The following GREB1L variants were observed in gnomAD, a reference collection of about 807,000 sequenced individuals.
GREB1L encodes the protein GREB1-like protein.
Under a neutral mutation model 200.8 loss-of-function variants are expected in GREB1L, and 17 were observed. That is an observed-to-expected ratio of 0.08 (90% confidence interval 0.06 to 0.13). The LOEUF (loss-of-function observed/expected upper bound fraction) is 0.13. Among genes scored for constraint, GREB1L ranks in the 10% least tolerant of loss-of-function variants. GREB1L has a pLI of 1.00. For missense variants in GREB1L, 1,657 were observed against 2,367.7 expected (o/e 0.70, Z 6.23); for synonymous variants, 789 against 893.0 (o/e 0.88, Z 2.08).
At chr18:21,319,015 C>T (rs925880868) in intron 1 of GREB1L, among the ~76,000 whole-genome samples, 2 of 152,256 alleles carry the variant, frequency 1.3e-5, no homozygotes, top group African/African-American at 4.8e-5. Context: ...TCTGTGAATG[C>T]GCAGCCAGTA....
chr18:21,285,812 A>G, intron 1 of GREB1L, among the ~76,000 whole-genome samples: 1 of 152,212 alleles, frequency 6.6e-6, no homozygotes, highest in Non-Finnish European at 1.5e-5. Context: ...AGTGGGAAAA[A>G]TTACAGCTAA....
At chr18:21,307,491 A>G (rs1407714822) in intron 1 of GREB1L, among the ~76,000 whole-genome samples, 1 of 152,192 alleles carries the variant, frequency 6.6e-6, no homozygotes, top group African/African-American at 2.4e-5. Context: ...AATACAGAAT[A>G]AGAGTTTAAA....
chr18:21,495,571 G>A, intron 19 of GREB1L, 99 bp from the exon 20 acceptor site: 1 of 691,856 alleles, frequency 1.4e-6, no homozygotes, highest in Non-Finnish European at 2.6e-6. Context: ...GGAGTAATTT[G>A]AAAGCACAGT....
rs546911047 is a variant in GREB1L at position 21,417,509 on chromosome 18, A to G, written c.832+13515A>G. Among the ~76,000 whole-genome samples, 13 of 152,288 alleles carry G rather than the reference A, an allele frequency of 8.5e-5. No individual in the cohort carries two copies. In the South Asian group the frequency reaches 2.5e-3, roughly 29 times the overall value. On this transcript the variant is annotated intron_variant, in intron 7 of 32. Coordinates refer to ENST00000424526, the MANE Select transcript of GREB1L (RefSeq NM_001142966.3). ...AGCCTGGATGAAAGAGTAAGACTCC[A>G]TCTCAAAAACAAACAAACAAAAAAT...
At chr18:21,311,571 A>G (rs1163360264) in intron 1 of GREB1L, among the ~76,000 whole-genome samples, 20 of 152,146 alleles carry the variant, frequency 1.3e-4, no homozygotes, top group Admixed American at 1.2e-3. Flanking sequence ...TGCCTACTCA[A>G]TGTATCTTTC....
intron 1 of GREB1L, among the ~76,000 whole-genome samples, chr18:21,359,506 G>A (rs538652195): frequency 6.6e-6 from 1 of 152,206 alleles, no homozygotes; most frequent in East Asian, 1.9e-4. Flanking sequence ...ATTCAAGTTA[G>A]TATTCCCTTA....
intron 1 of GREB1L, among the ~76,000 whole-genome samples, chr18:21,301,554 A>G (rs1196730187): frequency 6.6e-6 from 1 of 152,226 alleles, no homozygotes; most frequent in Non-Finnish European, 1.5e-5. Flanking sequence ...CCCAGATGCT[A>G]GGGAAATTTT....
intron 4 of GREB1L, among the ~76,000 whole-genome samples, chr18:21,392,464 T>C (rs1402847862): frequency 6.6e-6 from 1 of 152,212 alleles, no homozygotes; most frequent in Admixed American, 6.5e-5. Flanking sequence ...ATAAATGATA[T>C]TTTGAACAAA....
chr18:21,393,000 T>C (rs1288614249), intron 4 of GREB1L, among the ~76,000 whole-genome samples: 1 of 152,174 alleles, frequency 6.6e-6, no homozygotes, highest in East Asian at 1.9e-4. Context: ...CTTGAACTCC[T>C]GGACCCAAGC....
At chr18:21,454,895 G>C in intron 15 of GREB1L, 1 of 361,436 alleles carries the variant, frequency 2.8e-6, no homozygotes, top group Non-Finnish European at 5.3e-6. Context: ...GATGGCGTCT[G>C]TGCCACCTGA....
At chr18:21,253,302 G>C (rs751241191) in intron 1 of GREB1L, among the ~76,000 whole-genome samples, 2 of 149,424 alleles carry the variant, frequency 1.3e-5, no homozygotes, top group Non-Finnish European at 3.0e-5. Flanking sequence ...GCCCAGGCTG[G>C]AATGCAATGG....
intron 2 of GREB1L, 24 bp from the exon 3 acceptor site, chr18:21,383,486 C>T: frequency 1.4e-6 from 2 of 1,475,214 alleles, no homozygotes; most frequent in Non-Finnish European, 1.8e-6. Context: ...TTTATCCTTT[C>T]TTCTTTTTCT....
At position 21,242,270 on chromosome 18, in the gene GREB1L, G is replaced by A. The variant is rs1395668291; in HGVS notation, c.-243G>A. The A allele has an allele frequency of 6.6e-6, 1 of 152,114 alleles. No individual in the cohort carries two copies. Among genetic ancestry groups the A allele is most frequent in the African/African-American group, 2.4e-5 (1 of 41,432 alleles). The allele number at this position is 152,114 out of a possible 1,614,324, so 9.4% of individuals were successfully genotyped here. ...CCGCCGGCGGCGCTAGCACCTCGGAGTCGGGCGGCCGGAGCAGCGGAGCGC... is the reference window on the plus strand; with the variant it reads ...CCGCCGGCGGCGCTAGCACCTCGGAATCGGGCGGCCGGAGCAGCGGAGCGC... On this transcript the variant is annotated 5_prime_UTR_variant, in exon 1 of 33. Coordinates refer to ENST00000424526, the MANE Select transcript of GREB1L (RefSeq NM_001142966.3).
At chr18:21,395,093 G>A (rs1357601268) in intron 4 of GREB1L, among the ~76,000 whole-genome samples, 5 of 131,164 alleles carry the variant, frequency 3.8e-5, no homozygotes, top group African/African-American at 8.7e-5. Flanking sequence ...GCGACAGGGC[G>A]AGACTCCATC....
At chr18:21,398,236 G>A (rs1206052864) in intron 5 of GREB1L, among the ~76,000 whole-genome samples, 1 of 152,074 alleles carries the variant, frequency 6.6e-6, no homozygotes, top group Admixed American at 6.5e-5. Context: ...TTGTCACTTA[G>A]TACTTTAAGA....
At chr18:21,328,895 C>A (rs949189928) in intron 1 of GREB1L, among the ~76,000 whole-genome samples, 3 of 152,060 alleles carry the variant, frequency 2.0e-5, no homozygotes, top group African/African-American at 7.2e-5. Context: ...TATTATTATC[C>A]CCACTTTACA....
Position 21,520,756 on chromosome 18 carries a change from T to C in GREB1L, c.5541T>C (p.Ser1847=), listed in dbSNP as rs17720074. The C allele has an allele frequency of 0.21, 322,625 of 1,548,384 alleles. 37,272 individuals are homozygous for C. The highest frequency in any genetic ancestry group is 0.24 in the Non-Finnish European group (272,835 of 1,145,768). The change falls in exon 32 of 33, where the codon AGT becomes AGC. Residue 1847 remains serine (S), a synonymous_variant. Coordinates refer to ENST00000424526, the MANE Select transcript of GREB1L (RefSeq NM_001142966.3). ...TCAACTGTGAAGGGGTGTTTTTCAG[T>C]GGACTCCTTTTGTACCTCTGTGACT... ...SNVNCEGVFF[S]GLLLYLCDSF...
intron 28 of GREB1L, among the ~76,000 whole-genome samples, chr18:21,514,563 G>C (rs1252306482): frequency 6.6e-6 from 1 of 152,192 alleles, no homozygotes; most frequent in Non-Finnish European, 1.5e-5. Context: ...TATGGAGAAA[G>C]ACTGCTGACA....
chr18:21,294,599 A>G lies in GREB1L; in HGVS notation c.-120+52206A>G, dbSNP rs2038499234. 2.0e-5 allele frequency among the ~76,000 whole-genome samples: 3 copies of G among 151,274 alleles called. No homozygotes were observed. In the South Asian group the frequency reaches 6.2e-4, roughly 31 times the overall value. On this transcript the variant is annotated intron_variant, in intron 1 of 32. Transcript: ENST00000424526. ...TAGGGTCAATTGTTTAGTGGTTATT[A>G]TAATATAATAATGTTGTATATAATA...
Sources: gnomAD v4.1 joint callset for allele counts (sites outside exome capture counted in the v4.1 genomes callset) on GRCh38, gnomAD v4.1.1 for gene constraint, MANE v1.5 for transcripts, NCBI Gene and HGNC (gene_info 2026-07-23, HGNC 2026-07-21) for gene names.